The following LINGO1 variants were observed in gnomAD, a reference collection of about 807,000 sequenced individuals.
LINGO1 encodes the protein leucine-rich repeat and immunoglobulin-like domain-containing nogo receptor-interacting protein 1.
In LINGO1, 11 loss-of-function variants were observed where a neutral mutation model predicts 37.3. The observed-to-expected ratio is 0.29, with a 90% CI of 0.19 to 0.49. The LOEUF is 0.49. Among genes scored for constraint, LINGO1 ranks in the 20% least tolerant of loss-of-function variants. LINGO1 has a pLI of 0.99. For missense variants in LINGO1, 585 were observed against 878.2 expected, an observed-to-expected ratio of 0.67 and a Z score of 4.22; for synonymous variants, 387 against 403.0, an observed-to-expected ratio of 0.96 and a Z score of 0.48.
At chr15:77,653,774 G>A (rs1788855447) in intron 3 of LINGO1, among the ~76,000 whole-genome samples, 1 of 152,032 alleles carries the variant, frequency 6.6e-6, no homozygotes, top group South Asian at 2.1e-4. Context: ...ATCTGAAAGA[G>A]ATGGCTCGGA....
At chr15:77,709,888 G>A (rs940599293) in intron 2 of LINGO1, among the ~76,000 whole-genome samples, 5 of 152,218 alleles carry the variant, frequency 3.3e-5, no homozygotes, top group African/African-American at 1.2e-4. Flanking sequence ...GACTGAGTCC[G>A]TGCATATCAG....
chr15:77,634,718 C>A (rs1272586361), upstream of LINGO1, among the ~76,000 whole-genome samples: 1 of 152,094 alleles, frequency 6.6e-6, no homozygotes, highest in Non-Finnish European at 1.5e-5. Context: ...ACTCCCCGGT[C>A]CCTCAACTCC....
chr15:77,743,666 A>C lies in LINGO1; in HGVS notation c.-256-8613T>G, dbSNP rs531134833. Among the ~76,000 whole-genome samples, 7 of 152,328 alleles carry C rather than the reference A, an allele frequency of 4.6e-5. No homozygotes were observed. In the South Asian group the frequency reaches 1.5e-3, roughly 32 times the overall value. On this transcript the variant is annotated intron_variant, in intron 1 of 3. Coordinates refer to the LINGO1 transcript ENST00000561686. ...AAGCAGAGGCAAAAGCATCGTGTTCAGGGCTGGCTGGGGAGTTATTCTCGA... is the reference window on the plus strand; with the variant it reads ...AAGCAGAGGCAAAAGCATCGTGTTCCGGGCTGGCTGGGGAGTTATTCTCGA...
At chr15:77,783,609 TTAA>T (rs2076742366) in intron 1 of LINGO1, among the ~76,000 whole-genome samples, 1 of 152,162 alleles carries the variant, frequency 6.6e-6, no homozygotes, top group Non-Finnish European at 1.5e-5. Flanking sequence ...CTTCGTCCAT[TTAA>T]TGGGGATAAT....
chr15:77,818,938 G>C (rs1259637848), intron 1 of LINGO1, among the ~76,000 whole-genome samples: 7 of 151,650 alleles, frequency 4.6e-5, no homozygotes, highest in Non-Finnish European at 1.0e-4. Context: ...GAAGGCCGGA[G>C]TTGCACCCTC....
intron 1 of LINGO1, among the ~76,000 whole-genome samples, chr15:77,771,490 C>T (rs191210846): frequency 2.4e-4 from 37 of 152,284 alleles, no homozygotes; most frequent in African/African-American, 8.2e-4. Context: ...CAATAGACTC[C>T]TCTGACCTAC....
intron 1 of LINGO1, among the ~76,000 whole-genome samples, chr15:77,776,522 G>GGAAGGCAGGAAAGC (rs2076651152): frequency 1.3e-4 from 7 of 52,476 alleles, no homozygotes; most frequent in Admixed American, 3.7e-4. Flanking sequence ...GGCAGGAAGG[G>GGAAGGCAGGAAAGC]AGGAAGGGAG....
intron 1 of LINGO1, among the ~76,000 whole-genome samples, chr15:77,808,911 G>A (rs114975238): frequency 0.015 from 2,306 of 152,208 alleles, 51 homozygotes; most frequent in African/African-American, 0.053. Context: ...GCCTCGGATG[G>A]CCCATATATG....
chr15:77,723,835 GC>G (rs1269032391), intron 2 of LINGO1, among the ~76,000 whole-genome samples: 1 of 152,188 alleles, frequency 6.6e-6, no homozygotes, highest in Admixed American at 6.5e-5. Flanking sequence ...GGGGGAGGGG[GC>G]AACAGTTCCA....
intron 1 of LINGO1, chr15:77,784,534 C>T (rs1182436428): frequency 6.6e-6 from 1 of 152,294 alleles, no homozygotes; most frequent in Non-Finnish European, 1.5e-5. Flanking sequence ...ATCCACTGCG[C>T]ACTTTTCCCG....
At chr15:77,808,018 A>C (rs1306739034) in intron 1 of LINGO1, among the ~76,000 whole-genome samples, 1 of 152,140 alleles carries the variant, frequency 6.6e-6, no homozygotes, top group African/African-American at 2.4e-5. Context: ...GGAAAAAATC[A>C]AAGATAAGGA....
At chr15:77,747,985 G>A (rs2076331795) in intron 1 of LINGO1, among the ~76,000 whole-genome samples, 2 of 152,234 alleles carry the variant, frequency 1.3e-5, no homozygotes, top group African/African-American at 2.4e-5. Context: ...GTTGGCCAAA[G>A]GGCGCACAGC....
At chr15:77,631,792 C>T (rs2141077067) in intron 1 of LINGO1, among the ~76,000 whole-genome samples, 1 of 152,356 alleles carries the variant, frequency 6.6e-6, no homozygotes, top group Admixed American at 6.5e-5. Context: ...TTTCACTGGG[C>T]AGGAGCTGGA....
At chr15:77,710,044 T>G (rs2075899538) in intron 2 of LINGO1, among the ~76,000 whole-genome samples, 1 of 151,416 alleles carries the variant, frequency 6.6e-6, no homozygotes. Flanking sequence ...AGAAGAGGAG[T>G]CCCCGTGGAG....
chr15:77,740,669 G>C (rs75492626), intron 1 of LINGO1, among the ~76,000 whole-genome samples: 1,738 of 152,326 alleles, frequency 0.011, 37 homozygotes, highest in African/African-American at 0.038. Context: ...GGAGGCATCA[G>C]GGAGAGCTTC....
At chr15:77,801,358 A>G (rs1351636741) in intron 1 of LINGO1, among the ~76,000 whole-genome samples, 1 of 152,236 alleles carries the variant, frequency 6.6e-6, no homozygotes, top group Admixed American at 6.5e-5. Context: ...AGGCACGTCT[A>G]TGTATAACAA....
At chr15:77,775,782 G>T (rs2076631394) in intron 1 of LINGO1, among the ~76,000 whole-genome samples, 1 of 151,680 alleles carries the variant, frequency 6.6e-6, no homozygotes. Context: ...ATTTCTCCCA[G>T]CCAGCTTGGC....
intron 2 of LINGO1, among the ~76,000 whole-genome samples, chr15:77,732,918 C>T (rs2076167264): frequency 6.6e-6 from 1 of 152,234 alleles, no homozygotes; most frequent in African/African-American, 2.4e-5. Context: ...TCTGATGCTG[C>T]GTCCAGGTGT....
intron 1 of LINGO1, among the ~76,000 whole-genome samples, chr15:77,629,670 C>G (rs2074195928): frequency 6.6e-6 from 1 of 152,216 alleles, no homozygotes. Context: ...AATAGCTACT[C>G]CCTTGTACCT....
Sources: gnomAD v4.1 joint callset for allele counts (sites outside exome capture counted in the v4.1 genomes callset) on GRCh38, gnomAD v4.1.1 for gene constraint, MANE v1.5 for transcripts, NCBI Gene and HGNC (gene_info 2026-07-23, HGNC 2026-07-21) for gene names.